The following TMEM108 variants were observed in gnomAD, a reference collection of about 807,000 sequenced individuals.
The protein encoded by TMEM108 is transmembrane protein 108.
TMEM108 carries 12 observed loss-of-function variants against 35.1 expected under a neutral mutation model. The ratio of observed to expected loss-of-function variants is 0.34; its 90% CI spans 0.22 to 0.55. The LOEUF (loss-of-function observed/expected upper bound fraction) is 0.55, where lower values mean the gene tolerates loss of function less well. TMEM108 is among the 20% of genes least tolerant of loss of function. The pLI is 0.89. For synonymous variants in TMEM108, 287 were observed against 308.6 expected, an observed-to-expected ratio of 0.93 and a Z score of 0.73; for missense variants, 680 against 753.3, an observed-to-expected ratio of 0.90 and a Z score of 1.14.
chr3:133,129,348 A>ACCC (rs61441972), intron 2 of TMEM108, among the ~76,000 whole-genome samples: 1 of 101,798 alleles, frequency 9.8e-6, no homozygotes, highest in African/African-American at 4.4e-5. Context: ...CCGCACCCAC[A>ACCC]CCCCCCCCCC....
At chr3:133,049,604 C>T (rs1943379826) in intron 2 of TMEM108, among the ~76,000 whole-genome samples, 1 of 152,172 alleles carries the variant, frequency 6.6e-6, no homozygotes, top group Non-Finnish European at 1.5e-5. Flanking sequence ...TTTTACCTTG[C>T]TCTGGTATCT....
In TMEM108 at chr3:133,363,416, A is replaced by ATT. The variant is rs60751474; in HGVS notation, c.41-16324_41-16323dup. On this transcript the variant is annotated intron_variant, in intron 3 of 5. Transcript: ENST00000321871. ...TATTTCTTATGTTCTGCTTTTCATT[A>ATT]TTTTTTTTTTTTTGAGACAGGATCT... Among the ~76,000 whole-genome samples the ATT allele has an allele frequency of 9.7e-3, 1,420 of 146,184 alleles. 24 individuals carry two copies. The highest frequency in any genetic ancestry group is 0.032 in the African/African-American group (1,280 of 39,536).
intron 2 of TMEM108, among the ~76,000 whole-genome samples, chr3:133,133,399 T>C (rs953570516): frequency 6.6e-6 from 1 of 152,244 alleles, no homozygotes; most frequent in South Asian, 2.1e-4. Flanking sequence ...TTAAGGTATG[T>C]ACTTTTTTTA....
intron 3 of TMEM108, among the ~76,000 whole-genome samples, chr3:133,326,029 G>C (rs2107723442): frequency 6.6e-6 from 1 of 152,270 alleles, no homozygotes; most frequent in Middle Eastern, 3.4e-3. Flanking sequence ...CACTGATGTA[G>C]CTGGGTGATG....
intron 2 of TMEM108, among the ~76,000 whole-genome samples, chr3:133,055,903 C>T (rs1330849246): frequency 6.6e-6 from 1 of 152,186 alleles, no homozygotes; most frequent in Non-Finnish European, 1.5e-5. Context: ...GTCATTAGAA[C>T]AGTATTTACC....
At chr3:133,339,141 C>T (rs975467057) in intron 3 of TMEM108, among the ~76,000 whole-genome samples, 1 of 151,592 alleles carries the variant, frequency 6.6e-6, no homozygotes, top group Non-Finnish European at 1.5e-5. Context: ...ATGGACTAAA[C>T]TCTCCAATCA....
chr3:133,266,541 G>C (rs993913488), intron 3 of TMEM108, among the ~76,000 whole-genome samples: 2 of 152,174 alleles, frequency 1.3e-5, no homozygotes, highest in Non-Finnish European at 2.9e-5. Flanking sequence ...TTTGTTGTAA[G>C]TTGTTTTGCT....
intron 2 of TMEM108, among the ~76,000 whole-genome samples, chr3:133,121,510 C>T (rs994116905): frequency 1.3e-5 from 2 of 152,292 alleles, no homozygotes; most frequent in Non-Finnish European, 2.9e-5. Flanking sequence ...ATTTATCTGT[C>T]ATTTTGATTC....
intron 3 of TMEM108, among the ~76,000 whole-genome samples, chr3:133,311,061 T>G (rs1423064375): frequency 6.6e-6 from 1 of 152,238 alleles, no homozygotes; most frequent in Non-Finnish European, 1.5e-5. Flanking sequence ...CCCACTCTCT[T>G]CTGGCTTGTA....
chr3:133,063,358 G>T (rs1005109254), intron 2 of TMEM108, among the ~76,000 whole-genome samples: 1 of 152,080 alleles, frequency 6.6e-6, no homozygotes, highest in Non-Finnish European at 1.5e-5. Flanking sequence ...CAAAGGTCAG[G>T]ATTTTACAGA....
chr3:133,243,523 G>C (rs62278970), intron 3 of TMEM108, among the ~76,000 whole-genome samples: 1 of 130,748 alleles, frequency 7.6e-6, no homozygotes, highest in African/African-American at 2.8e-5. Flanking sequence ...CTTTTTTTCT[G>C]GGGCGGGGGG....
intron 2 of TMEM108, among the ~76,000 whole-genome samples, chr3:133,182,734 C>T (rs1180474942): frequency 6.6e-6 from 1 of 152,206 alleles, no homozygotes; most frequent in Non-Finnish European, 1.5e-5. Flanking sequence ...ATGAAGCCTT[C>T]TGGAATTCAA....
intron 3 of TMEM108, among the ~76,000 whole-genome samples, chr3:133,316,479 A>C (rs1428466776): frequency 1.3e-5 from 2 of 152,222 alleles, no homozygotes; most frequent in African/African-American, 4.8e-5. Flanking sequence ...GGTTTATCCC[A>C]GTGAAAGTGT....
chr3:133,261,782 A>G (rs1946628545), intron 3 of TMEM108, among the ~76,000 whole-genome samples: 1 of 152,210 alleles, frequency 6.6e-6, no homozygotes, highest in Non-Finnish European at 1.5e-5. Flanking sequence ...GATCTGCAGG[A>G]GGGAAGGTTT....
At chr3:133,248,018 T>C (rs1320649449) in intron 3 of TMEM108, 1 of 152,150 alleles carries the variant, frequency 6.6e-6, no homozygotes, top group African/African-American at 2.4e-5. Flanking sequence ...AAATAGTGTG[T>C]TATAGGATAC....
rs139136845 is a variant in TMEM108, at chr3:133,197,830, G to A, written c.-46-31436G>A. 2.1e-3 allele frequency among the ~76,000 whole-genome samples: 325 copies of A among 152,288 alleles called. 2 individuals carry two copies. Among genetic ancestry groups the A allele is most frequent in the African/African-American group, 7.2e-3 (301 of 41,546 alleles). ...AGAAACTCAGACATGAGAGTCATAA[G>A]GAAGTGACCACCAAAAGTCTTACTT... On this transcript the variant is annotated intron_variant, in intron 2 of 5. Coordinates refer to ENST00000321871, the MANE Select transcript of TMEM108 (RefSeq NM_023943.4).
chr3:133,116,711 G>C (rs1017256647), intron 2 of TMEM108, among the ~76,000 whole-genome samples: 2 of 152,162 alleles, frequency 1.3e-5, no homozygotes, highest in African/African-American at 4.8e-5. Context: ...GTTGTCAACT[G>C]TATGAGATAC....
In TMEM108 at chr3:133,093,133, G is replaced by A. The variant is rs368115438; in HGVS notation, c.-47+47113G>A. ...GCCTCTTGAGTAGCTAGGGCTACAG[G>A]AGTGTGCCACCACATCTGGCTAATT... is the stretch of plus-strand genomic sequence containing the variant. On this transcript the variant is annotated intron_variant, in intron 2 of 5. Coordinates refer to ENST00000321871, the MANE Select transcript of TMEM108 (RefSeq NM_023943.4). Among the ~76,000 whole-genome samples the A allele has an allele frequency of 7.2e-5, 11 of 152,180 alleles. No homozygotes were observed. The South Asian group carries it at 2.1e-3, about 29-fold the overall frequency.
chr3:133,380,734 C>T lies in TMEM108; in HGVS notation c.1023C>T (p.Gly341=). The T allele has an allele frequency of 6.2e-7, 1 of 1,614,112 alleles. No homozygotes were observed. The highest frequency in any genetic ancestry group is 1.1e-5 in the South Asian group (1 of 91,084). The change falls in exon 4 of 6, where the codon GGC becomes GGT. Residue 341 remains glycine (G), a synonymous_variant. Coordinates refer to ENST00000321871, the MANE Select transcript of TMEM108 (RefSeq NM_023943.4). This position sits in a 1 kb window ranked among gnomAD's most constrained non-coding sequence, Gnocchi z 5.3. The part of the protein sequence containing the change: ...HSDSWLTVTP[G]TSRPLSTSSG... ...ACTCTTGGCTTACTGTTACCCCTGGCACCAGCAGACCTCTGTCTACCAGCT... is the reference window on the plus strand; with the variant it reads ...ACTCTTGGCTTACTGTTACCCCTGGTACCAGCAGACCTCTGTCTACCAGCT...
Sources: allele counts gnomAD v4.1 joint callset (sites outside exome capture counted in the v4.1 genomes callset), GRCh38; gene constraint gnomAD v4.1.1; non-coding constraint Gnocchi (gnomAD v3.1); transcripts MANE v1.5; gene names NCBI Gene and HGNC (gene_info 2026-07-23, HGNC 2026-07-21).